The following BTBD8 variants were observed in gnomAD, a reference collection of about 807,000 sequenced individuals.
BTBD8 encodes BTB/POZ domain-containing protein 8.
BTBD8 carries 110 observed loss-of-function variants against 162.9 expected under a neutral mutation model. That is an observed-to-expected ratio of 0.68 (90% confidence interval 0.58 to 0.79). The LOEUF (loss-of-function observed/expected upper bound fraction) is 0.79. Among genes scored for constraint, BTBD8 ranks in the 30% least tolerant of loss-of-function variants. BTBD8 has a pLI of 0.00. For synonymous variants in BTBD8, 667 were observed against 716.1 expected, an observed-to-expected ratio of 0.93 and a Z score of 1.10; for missense variants, 1,905 against 2,085.4, an observed-to-expected ratio of 0.91 and a Z score of 1.68.
In BTBD8 at chr1:92,179,874, CTA is replaced by C. The variant is rs1650833261; in HGVS notation, c.2582-389_2582-388del. ...CTCCTTTTCAGCTATGTAGAGCACACTATTTTTTTTTCTCCAAAAACTTCAAA... is the reference window on the plus strand; with the variant it reads ...CTCCTTTTCAGCTATGTAGAGCACACTTTTTTTTTCTCCAAAAACTTCAAA... On this transcript the variant is annotated intron_variant, in intron 16 of 17. Coordinates refer to ENST00000636805, the MANE Select transcript of BTBD8 (RefSeq NM_001376131.1). 2.0e-5 allele frequency among the ~76,000 whole-genome samples: 3 copies of C among 152,246 alleles called. No individual in the cohort carries two copies. In the South Asian group the frequency reaches 6.2e-4, roughly 32 times the overall value.
chr1:92,135,015 C>G (rs1332881408), intron 5 of BTBD8, among the ~76,000 whole-genome samples: 1 of 151,898 alleles, frequency 6.6e-6, no homozygotes, highest in East Asian at 1.9e-4. Flanking sequence ...CCTCAGCCTC[C>G]TGAGTAGCTG....
intron 4 of BTBD8, chr1:92,125,998 G>T: frequency 4.3e-6 from 2 of 465,090 alleles, no homozygotes; most frequent in Non-Finnish European, 8.6e-6. Flanking sequence ...AAATGGTAGT[G>T]TATCAACCGA....
At chr1:92,118,953 A>G (rs1249406784) in intron 4 of BTBD8, among the ~76,000 whole-genome samples, 1 of 151,368 alleles carries the variant, frequency 6.6e-6, no homozygotes, top group African/African-American at 2.4e-5. Flanking sequence ...ACTGAAAGAT[A>G]TATCTGGTAT....
intron 7 of BTBD8, among the ~76,000 whole-genome samples, chr1:92,146,726 TG>T (rs1245984038): frequency 6.6e-6 from 1 of 152,208 alleles, no homozygotes; most frequent in South Asian, 2.1e-4. Flanking sequence ...CTTTTCAGAT[TG>T]GCTTCTTCCA....
In BTBD8 at chr1:92,182,413, T is replaced by TA; in HGVS notation, c.4734dup (p.Ser1579IlefsTer18). The TA allele has an allele frequency of 6.4e-7, 1 of 1,550,654 alleles. No individual in the cohort carries two copies. Among genetic ancestry groups the TA allele is most frequent in the Non-Finnish European group, 8.7e-7 (1 of 1,146,680 alleles). On this transcript the variant is annotated frameshift_variant, in exon 17 of 18. Coordinates refer to ENST00000636805, the MANE Select transcript of BTBD8 (RefSeq NM_001376131.1). LOFTEE classifies it high-confidence loss of function. ...CGCAGCAAATTCTTGGATAGTGATG[T>TA]AAAATCTCAAGAAAGACCATGTCAC...
chr1:92,120,378 T>A (rs1649178126), intron 4 of BTBD8, among the ~76,000 whole-genome samples: 1 of 152,142 alleles, frequency 6.6e-6, no homozygotes, highest in Non-Finnish European at 1.5e-5. Flanking sequence ...AGCTGTTATC[T>A]CCTAACATGC....
intron 3 of BTBD8, among the ~76,000 whole-genome samples, chr1:92,104,316 A>C (rs955974878): frequency 6.6e-6 from 1 of 152,216 alleles, no homozygotes; most frequent in Non-Finnish European, 1.5e-5. Flanking sequence ...TACAGTCAAC[A>C]TATCTAATTA....
In BTBD8 at chr1:92,104,937, A is replaced by ATT. The variant is rs11430885; in HGVS notation, c.544+2279_544+2280dup. ...ACCTGTTAAAGTCTACCTTATTATT[A>ATT]TTTTTTTTTTTTGAGAAGGAGTCTC... On this transcript the variant is annotated intron_variant, in intron 3 of 17. Coordinates refer to ENST00000636805, the MANE Select transcript of BTBD8 (RefSeq NM_001376131.1). Among the ~76,000 whole-genome samples, 1,089 of 147,720 alleles carry ATT rather than the reference A, an allele frequency of 7.4e-3. 9 individuals carry two copies. Among genetic ancestry groups the ATT allele is most frequent in the South Asian group, 0.015 (71 of 4,706 alleles).
In BTBD8 at chr1:92,180,514, G is replaced by T. The variant is rs1307344790; in HGVS notation, c.2831G>T (p.Gly944Val). The T allele has an allele frequency of 1.3e-6, 2 of 1,551,496 alleles. No homozygotes were observed. The highest frequency in any genetic ancestry group is 1.2e-5 in the South Asian group (1 of 84,026). Residue 944 changes from glycine (G) to valine (V), a missense_variant, in exon 17 of 18, where the codon GGA (glycine) becomes GTA (valine). Around this residue, in one of 3 missense-constraint regions of BTBD8, gnomAD observed 1,374 missense variants for 1,442.7 expected, o/e 0.95. Coordinates refer to ENST00000636805, the MANE Select transcript of BTBD8 (RefSeq NM_001376131.1). ...NKDSKQKMPP[G>V]QVISKTQPSS... is the part of the protein sequence containing the mutation. ...GATTCAAAACAGAAAATGCCTCCTG[G>T]ACAGGTTATATCAAAAACTCAGCCT...
intron 4 of BTBD8, among the ~76,000 whole-genome samples, chr1:92,114,352 G>A (rs1306892460): frequency 6.6e-6 from 1 of 151,768 alleles, no homozygotes; most frequent in East Asian, 1.9e-4. Flanking sequence ...GAAGAAGCAG[G>A]GTGAGAACTT....
At chr1:92,167,343 AG>A (rs1650409953) in intron 10 of BTBD8, among the ~76,000 whole-genome samples, 2 of 152,232 alleles carry the variant, frequency 1.3e-5, no homozygotes, top group Admixed American at 6.5e-5. Context: ...CGAGAGGGAC[AG>A]GTTTGAGTGC....
At chr1:92,166,772 C>T (rs1475241185) in intron 9 of BTBD8, among the ~76,000 whole-genome samples, 186 bp from the exon 10 acceptor site, 2 of 152,042 alleles carry the variant, frequency 1.3e-5, no homozygotes, top group Non-Finnish European at 2.9e-5. Flanking sequence ...TCAAACTTTA[C>T]CCTTTTGAAT....
chr1:92,180,137 A>G, intron 16 of BTBD8, 128 bp from the exon 17 acceptor site: 1 of 663,924 alleles, frequency 1.5e-6, no homozygotes, highest in Non-Finnish European at 2.5e-6. Flanking sequence ...TTGATCATAG[A>G]TATGTTACCC....
intron 5 of BTBD8, among the ~76,000 whole-genome samples, chr1:92,138,789 T>G (rs1649697127): frequency 6.6e-6 from 1 of 152,170 alleles, no homozygotes; most frequent in Admixed American, 6.5e-5. Flanking sequence ...AAGAAGAAGG[T>G]CATGAATTTA....
intron 4 of BTBD8, chr1:92,115,841 C>A (rs550381637): frequency 5.9e-6 from 1 of 169,974 alleles, no homozygotes; most frequent in African/African-American, 2.4e-5. Context: ...TGCCCAAGAA[C>A]GGAAGGAGCA....
Position 92,167,863 on chromosome 1 carries a change from A to T in BTBD8, c.1321A>T (p.Ser441Cys). Residue 441 changes from serine (S) to cysteine (C), a missense_variant, in exon 11 of 18, where the codon AGC (serine) becomes TGC (cysteine). Transcript: ENST00000636805. Reference protein sequence around the residue: ...ALLLQSQAMSSTADLLDTILK... With the variant: ...ALLLQSQAMSCTADLLDTILK... ...TGTTTTATAGTCACAAGCAATGAGC[A>T]GCACAGCCGATCTGTTGGACACAAT... 3 of 1,550,152 alleles carry T rather than the reference A, an allele frequency of 1.9e-6. No homozygotes were observed. The highest frequency in any genetic ancestry group is 2.6e-6 in the Non-Finnish European group (3 of 1,145,932).
At chr1:92,132,530 C>A (rs1649538486) in intron 5 of BTBD8, among the ~76,000 whole-genome samples, 1 of 152,086 alleles carries the variant, frequency 6.6e-6, no homozygotes, top group Non-Finnish European at 1.5e-5. Flanking sequence ...GGATAAATAA[C>A]CCCTTTTGCA....
intron 5 of BTBD8, among the ~76,000 whole-genome samples, chr1:92,130,470 A>G (rs956281988): frequency 1.3e-5 from 2 of 150,540 alleles, no homozygotes; most frequent in African/African-American, 4.9e-5. Flanking sequence ...CCATGATTAT[A>G]CCACTACATT....
intron 16 of BTBD8, 81 bp downstream of exon 16, chr1:92,178,532 A>G: frequency 6.2e-6 from 7 of 1,128,076 alleles, no homozygotes; most frequent in Non-Finnish European, 7.4e-6. Context: ...TTGCAACTTC[A>G]GTAGCAAATA....
Sources: gnomAD v4.1 joint callset for allele counts (sites outside exome capture counted in the v4.1 genomes callset) on GRCh38, gnomAD v4.1.1 for gene constraint, gnomAD v4.1.1 regional missense constraint, MANE v1.5 for transcripts, NCBI Gene and HGNC (gene_info 2026-07-23, HGNC 2026-07-21) for gene names.